Variants in KCNJ1 observed in about 807,000 individuals in gnomAD.
The protein encoded by KCNJ1 is ATP-sensitive inward rectifier potassium channel 1.
KCNJ1 carries 24 observed loss-of-function variants against 21.9 expected under a neutral mutation model. That is an observed-to-expected ratio of 1.10 (90% CI 0.79 to 1.54). The LOEUF (loss-of-function observed/expected upper bound fraction) is 1.54. KCNJ1 is among the 40% of genes most tolerant of loss of function. The pLI, the probability that KCNJ1 is intolerant of heterozygous loss-of-function variation, is 0.00. For missense variants in KCNJ1, 457 were observed against 455.4 expected (o/e 1.00, Z -0.03); for synonymous variants, 152 against 160.9 (o/e 0.94, Z 0.42).
intron 1 of KCNJ1, among the ~76,000 whole-genome samples, chr11:128,852,454 G>A (rs942612478): frequency 6.6e-6 from 1 of 152,182 alleles, no homozygotes; most frequent in African/African-American, 2.4e-5. Context: ...CCCTCAAAGG[G>A]TCAATGATTA....
At position 128,838,926 on chromosome 11, in the gene KCNJ1, A is replaced by G. The variant is rs997698606; in HGVS notation, c.*199T>C. ...CCATACACCAGTTTCATATAAATGC[A>G]TTGCACGTTCTAATACAGTAGCCTT... On this transcript the variant is annotated 3_prime_UTR_variant, in exon 3 of 3. Coordinates refer to ENST00000392666, the MANE Select transcript of KCNJ1 (RefSeq NM_153766.3). 1.8e-5 allele frequency: 11 copies of G among 603,020 alleles called. No individual in the cohort carries two copies. In the East Asian group the frequency reaches 2.8e-4, roughly 15 times the overall value. 37.4% of individuals were successfully genotyped at this position (603,020 alleles called of 1,614,324 possible).
At chr11:128,849,047 G>C (rs1306951325) in intron 2 of KCNJ1, among the ~76,000 whole-genome samples, 1 of 152,212 alleles carries the variant, frequency 6.6e-6, no homozygotes, top group Non-Finnish European at 1.5e-5. Flanking sequence ...CCCCTCTGGA[G>C]TAGTGGCATT....
At chr11:128,841,117 C>T (rs1943274954) in intron 2 of KCNJ1, among the ~76,000 whole-genome samples, 1 of 152,216 alleles carries the variant, frequency 6.6e-6, no homozygotes, top group African/African-American at 2.4e-5. Context: ...CATAAATCTA[C>T]AAGCCTGTTC....
chr11:128,863,092 G>A (rs745341733), intron 1 of KCNJ1, among the ~76,000 whole-genome samples: 3 of 152,190 alleles, frequency 2.0e-5, no homozygotes, highest in African/African-American at 4.8e-5. Context: ...CTTCCCCTAC[G>A]GGTAGTCACC....
intron 2 of KCNJ1, among the ~76,000 whole-genome samples, chr11:128,841,499 C>T (rs78251319): frequency 0.065 from 9,936 of 152,216 alleles, 403 homozygotes; most frequent in African/African-American, 0.12. Flanking sequence ...GTCATAAACG[C>T]TAGATTACCT....
chr11:128,857,635 C>T (rs1329158045), intron 1 of KCNJ1, among the ~76,000 whole-genome samples: 1 of 152,146 alleles, frequency 6.6e-6, no homozygotes, highest in Non-Finnish European at 1.5e-5. Flanking sequence ...ATTTTTTTCT[C>T]TAAGTTGTAG....
At chr11:128,849,778 T>G (rs1943449373) in intron 2 of KCNJ1, among the ~76,000 whole-genome samples, 1 of 152,244 alleles carries the variant, frequency 6.6e-6, no homozygotes, top group South Asian at 2.1e-4. Flanking sequence ...AGTGACATTT[T>G]ACACTTAGGG....
chr11:128,857,402 C>G (rs1201230943), intron 1 of KCNJ1, among the ~76,000 whole-genome samples: 1 of 152,182 alleles, frequency 6.6e-6, no homozygotes, highest in Non-Finnish European at 1.5e-5. Context: ...ACAGAACACA[C>G]CCTCCAGGAC....
intron 2 of KCNJ1, among the ~76,000 whole-genome samples, chr11:128,847,227 CT>C (rs1943397806): frequency 6.6e-6 from 1 of 152,336 alleles, no homozygotes; most frequent in South Asian, 2.1e-4. Context: ...CCAAAACCCT[CT>C]CAGTGAGACG....
Position 128,839,266 on chromosome 11 carries a change from G to T in KCNJ1, c.978C>A (p.Ser326Arg). The T allele has an allele frequency of 2.5e-6, 4 of 1,614,138 alleles. No individual in the cohort carries two copies. Among genetic ancestry groups the T allele is most frequent in the Non-Finnish European group, 8.5e-7 (1 of 1,180,020 alleles). ...GKYRVDFHNF[S>R]KTVEVETPHC... is the part of the protein sequence containing the mutation. ...GAGGGGTCTCCACTTCCACTGTCTT[G>T]CTAAAGTTATGGAAATCCACTCGGT... Residue 326 changes from serine to arginine, a missense_variant, in exon 3 of 3, where the codon AGC becomes AGA. By Grantham distance (110) the Ser-to-Arg change is moderately radical. Transcript: ENST00000392666.
intron 2 of KCNJ1, among the ~76,000 whole-genome samples, chr11:128,843,364 A>C (rs1943322515): frequency 6.6e-6 from 1 of 152,210 alleles, no homozygotes; most frequent in Non-Finnish European, 1.5e-5. Context: ...AGTAAATCTT[A>C]ATAGCAAGCA....
At chr11:128,861,292 A>C (rs536746688) in intron 1 of KCNJ1, among the ~76,000 whole-genome samples, 10 of 152,358 alleles carry the variant, frequency 6.6e-5, no homozygotes, top group African/African-American at 2.4e-4. Flanking sequence ...GCAGGGCTGC[A>C]GCATTCACTG....
chr11:128,843,424 C>A (rs116790515), intron 2 of KCNJ1, among the ~76,000 whole-genome samples: 1,565 of 152,268 alleles, frequency 0.01, 28 homozygotes, highest in African/African-American at 0.036. Context: ...AGTGGCTTGG[C>A]AAAACAAGCG....
chr11:128,863,511 C>T (rs557920916), intron 1 of KCNJ1, among the ~76,000 whole-genome samples: 1 of 152,158 alleles, frequency 6.6e-6, no homozygotes, highest in Non-Finnish European at 1.5e-5. Flanking sequence ...AAAGTAACAA[C>T]AGGCTTCTTC....
At chr11:128,864,242 A>G (rs927380418) in intron 1 of KCNJ1, among the ~76,000 whole-genome samples, 40 of 151,762 alleles carry the variant, frequency 2.6e-4, no homozygotes, top group Non-Finnish European at 5.0e-4. Flanking sequence ...GTGTGCCACC[A>G]TGCCTGGCTA....
At chr11:128,846,495 C>T (rs1943382173) in intron 2 of KCNJ1, among the ~76,000 whole-genome samples, 1 of 152,292 alleles carries the variant, frequency 6.6e-6, no homozygotes, top group East Asian at 1.9e-4. Flanking sequence ...GAGGAAAAGG[C>T]TTCCGTGAGA....
At chr11:128,849,337 C>A (rs1395198090) in intron 2 of KCNJ1, among the ~76,000 whole-genome samples, 12 of 152,252 alleles carry the variant, frequency 7.9e-5, no homozygotes, top group Admixed American at 7.2e-4. Flanking sequence ...TCAGCATCAA[C>A]TTACTCTGCG....
chr11:128,858,319 G>A (rs912425784), intron 1 of KCNJ1, among the ~76,000 whole-genome samples: 2 of 152,174 alleles, frequency 1.3e-5, no homozygotes, highest in East Asian at 1.9e-4. Context: ...AAGGAGGTTC[G>A]CAACACAGCA....
At position 128,859,704 on chromosome 11, in the gene KCNJ1, C is replaced by T. The variant is rs59298234; in HGVS notation, c.-192+7469G>A. Among the ~76,000 whole-genome samples, 311 of 152,334 alleles carry T rather than the reference C, an allele frequency of 2.0e-3. 1 individual carries two copies. The highest frequency in any genetic ancestry group is 7.0e-3 in the African/African-American group (292 of 41,578). On this transcript the variant is annotated intron_variant, in intron 1 of 2. Transcript: ENST00000392666. ...TCCTCACCTCCCTTCCCTGCGTGCC[C>T]TCTCCTGGCTAGCCCTCCCGTCTGC...
Sources: allele counts gnomAD v4.1 joint callset (sites outside exome capture counted in the v4.1 genomes callset), GRCh38; gene constraint gnomAD v4.1.1; transcripts MANE v1.5; gene names NCBI Gene and HGNC (gene_info 2026-07-23, HGNC 2026-07-21).